The following PTPRK variants were observed in gnomAD, a reference collection of about 807,000 sequenced individuals.
PTPRK encodes the protein receptor-type tyrosine-protein phosphatase kappa.
In PTPRK, 75 loss-of-function variants were observed where a neutral mutation model predicts 178.0. That is an observed-to-expected ratio of 0.42 (90% CI 0.35 to 0.51). The LOEUF (loss-of-function observed/expected upper bound fraction) is 0.51. PTPRK is among the 20% of genes least tolerant of loss of function. The pLI is 0.02. For missense variants in PTPRK, 1,441 were observed against 1,797.8 expected (o/e 0.80, Z 3.59); for synonymous variants, 637 against 620.6 (o/e 1.03, Z -0.39).
At chr6:128,226,752 TTATATAGACATATATATATATA>T (rs1811366993) in intron 5 of PTPRK, among the ~76,000 whole-genome samples, 1 of 91,476 alleles carries the variant, frequency 1.1e-5, no homozygotes, top group South Asian at 3.8e-4. Context: ...AATCTTATAA[TTATATAGACATATATATATATA>T]TATATATATA....
intron 10 of PTPRK, 25 bp downstream of exon 10, chr6:128,082,412 A>G (rs773331325): frequency 1.3e-6 from 2 of 1,557,524 alleles, no homozygotes; most frequent in African/African-American, 1.4e-5. Flanking sequence ...AATCAATCCT[A>G]TTTGTAATTT....
At chr6:128,238,237 A>G (rs1293175644) in intron 5 of PTPRK, 1 of 398,200 alleles carries the variant, frequency 2.5e-6, no homozygotes, top group East Asian at 8.5e-5. Context: ...GTAGGGGAGA[A>G]AGCAACATAG....
Position 128,520,488 on chromosome 6 carries a change from C to CT in PTPRK, c.-131dup. The stretch of plus-strand genomic sequence containing the variant: ...GTGAGAGGACAGCCGCCCGCCCGCC[C>CT]TTTTTCCTTCTTCGCGGTCGCCAAA... On this transcript the variant is annotated 5_prime_UTR_variant, in exon 1 of 30. Coordinates refer to ENST00000368226, the MANE Select transcript of PTPRK (RefSeq NM_002844.4). 3 of 808,510 alleles carry CT rather than the reference C, an allele frequency of 3.7e-6. No homozygotes were observed. Among genetic ancestry groups the CT allele is most frequent in the South Asian group, 1.7e-5 (1 of 57,152 alleles). 50.1% of individuals were successfully genotyped at this position (808,510 alleles called of 1,614,324 possible). A position where few individuals can be genotyped will look rare whatever the true frequency, so the allele number is the denominator to read the frequency against.
chr6:128,425,942 A>G (rs1488763410), intron 1 of PTPRK, among the ~76,000 whole-genome samples: 2 of 152,228 alleles, frequency 1.3e-5, no homozygotes, highest in Non-Finnish European at 2.9e-5. Flanking sequence ...AACTAGCATA[A>G]ATAACATTAA....
intron 12 of PTPRK, among the ~76,000 whole-genome samples, chr6:128,066,945 C>A (rs1562521857): frequency 6.6e-6 from 1 of 152,120 alleles, no homozygotes; most frequent in Non-Finnish European, 1.5e-5. Flanking sequence ...CAGAGAGCAG[C>A]CTTCTGTAAT....
At chr6:128,448,583 T>C (rs945559784) in intron 1 of PTPRK, among the ~76,000 whole-genome samples, 1 of 152,202 alleles carries the variant, frequency 6.6e-6, no homozygotes, top group Non-Finnish European at 1.5e-5. Context: ...AAATAATTTA[T>C]GCACAAGGCT....
chr6:128,269,189 A>T (rs1009699938), intron 3 of PTPRK, among the ~76,000 whole-genome samples: 1 of 152,128 alleles, frequency 6.6e-6, no homozygotes, highest in Non-Finnish European at 1.5e-5. Context: ...TTTATGCCCA[A>T]TACTGTGCAA....
intron 1 of PTPRK, among the ~76,000 whole-genome samples, chr6:128,514,551 C>T (rs1660130796): frequency 6.6e-6 from 1 of 152,198 alleles, no homozygotes; most frequent in African/African-American, 2.4e-5. Flanking sequence ...TTGGAGGATT[C>T]AGCCAGCACT....
chr6:128,055,183 A>C (rs1243012006), intron 13 of PTPRK, among the ~76,000 whole-genome samples: 1 of 152,220 alleles, frequency 6.6e-6, no homozygotes, highest in South Asian at 2.1e-4. Flanking sequence ...GAAAAGTTAC[A>C]AAGTTTATTT....
chr6:128,249,547 G>T (rs1031316106), intron 3 of PTPRK, among the ~76,000 whole-genome samples: 1 of 152,018 alleles, frequency 6.6e-6, no homozygotes, highest in Non-Finnish European at 1.5e-5. Context: ...AAGAAGATAG[G>T]TTTATACTTG....
intron 7 of PTPRK, among the ~76,000 whole-genome samples, chr6:128,130,542 T>C (rs1016484275): frequency 2.0e-5 from 3 of 152,196 alleles, no homozygotes; most frequent in Non-Finnish European, 4.4e-5. Flanking sequence ...TATCTACACA[T>C]TAATCCAAGG....
intron 1 of PTPRK, among the ~76,000 whole-genome samples, chr6:128,471,156 G>A (rs529283050): frequency 6.6e-6 from 1 of 152,054 alleles, no homozygotes; most frequent in Admixed American, 6.6e-5. Context: ...GAAAATGATA[G>A]TCATGGCCAA....
At chr6:128,047,021 T>A (rs1245806064) in intron 13 of PTPRK, among the ~76,000 whole-genome samples, 2 of 152,018 alleles carry the variant, frequency 1.3e-5, no homozygotes, top group Non-Finnish European at 2.9e-5. Context: ...TCAGACAAAA[T>A]TAAGATTATG....
chr6:128,304,185 C>CA (rs1158539825), intron 3 of PTPRK, among the ~76,000 whole-genome samples: 1 of 152,188 alleles, frequency 6.6e-6, no homozygotes, highest in Non-Finnish European at 1.5e-5. Context: ...TCTTGCCAAG[C>CA]AAAACCTAAG....
chr6:128,147,953 A>G (rs1796721818), intron 7 of PTPRK, among the ~76,000 whole-genome samples: 1 of 152,154 alleles, frequency 6.6e-6, no homozygotes, highest in African/African-American at 2.4e-5. Flanking sequence ...GGAGAAGGTT[A>G]AAAGGTAAAT....
chr6:128,411,608 T>C (rs1842316664), intron 1 of PTPRK, among the ~76,000 whole-genome samples: 1 of 152,324 alleles, frequency 6.6e-6, no homozygotes, highest in Non-Finnish European at 1.5e-5. Flanking sequence ...TTTAGCTGCA[T>C]TACATTCACA....
intron 2 of PTPRK, among the ~76,000 whole-genome samples, chr6:128,336,462 G>A (rs1022096006): frequency 6.6e-6 from 1 of 152,132 alleles, no homozygotes; most frequent in African/African-American, 2.4e-5. Flanking sequence ...ACCCCAAGGC[G>A]CTGGGAAAAT....
intron 2 of PTPRK, among the ~76,000 whole-genome samples, chr6:128,335,588 G>C (rs1378252607): frequency 6.6e-6 from 1 of 151,794 alleles, no homozygotes; most frequent in African/African-American, 2.4e-5. Flanking sequence ...AAAACAGGGT[G>C]GTAGAGAAAA....
In PTPRK at chr6:128,464,638, CATATATATAT is replaced by C. The variant is rs10665667; in HGVS notation, c.100+55611_100+55620del. 2.2e-3 allele frequency among the ~76,000 whole-genome samples: 105 copies of C among 48,606 alleles called. 1 individual carries two copies. Among genetic ancestry groups the C allele is most frequent in the Middle Eastern group, 0.02 (1 of 50 alleles). The allele number at this position is 48,606 out of a possible 152,430, so 31.9% of individuals were successfully genotyped here. ...ACATATACATATATATATATATACA[CATATATATAT>C]ATATATATATATATATATATATATA... is the stretch of plus-strand genomic sequence containing the variant. On this transcript the variant is annotated intron_variant, in intron 1 of 29. Coordinates refer to ENST00000368226, the MANE Select transcript of PTPRK (RefSeq NM_002844.4).
Sources: allele counts gnomAD v4.1 joint callset (sites outside exome capture counted in the v4.1 genomes callset), GRCh38; gene constraint gnomAD v4.1.1; transcripts MANE v1.5; gene names NCBI Gene and HGNC (gene_info 2026-07-23, HGNC 2026-07-21).